Variants in FGF14 observed in about 807,000 individuals in gnomAD.
The protein encoded by FGF14 is fibroblast growth factor homologous factor 4.
Under a neutral mutation model 25.5 loss-of-function variants are expected in FGF14, and 5 were observed. The observed-to-expected ratio is 0.20, with a 90% CI of 0.10 to 0.41. The LOEUF (loss-of-function observed/expected upper bound fraction) is 0.41. FGF14 is among the 10% of genes least tolerant of loss of function. The probability of loss-of-function intolerance (pLI) is 1.00; values close to 1 mark genes in which losing one functional copy is unlikely to be tolerated. For synonymous variants in FGF14, 138 were observed against 118.3 expected, an observed-to-expected ratio of 1.17 and a Z score of -1.08; for missense variants, 222 against 320.1, an observed-to-expected ratio of 0.69 and a Z score of 2.34.
chr13:102,226,374 T>G (rs891031384), intron 1 of FGF14, among the ~76,000 whole-genome samples: 1 of 152,190 alleles, frequency 6.6e-6, no homozygotes, highest in Non-Finnish European at 1.5e-5. Context: ...CCATAAATAA[T>G]AGCTAGCTAT....
At chr13:102,013,994 G>T (rs1014450507) in intron 1 of FGF14, among the ~76,000 whole-genome samples, 8 of 152,058 alleles carry the variant, frequency 5.3e-5, no homozygotes, top group African/African-American at 1.9e-4. Flanking sequence ...TACTTTTAAT[G>T]TACTAATGAA....
intron 1 of FGF14, chr13:102,263,050 C>G (rs2052796054): frequency 1.5e-6 from 1 of 652,374 alleles, no homozygotes; most frequent in Admixed American, 1.9e-5. Flanking sequence ...CTCATAGACC[C>G]AGCTTGGTTC....
At chr13:102,142,232 C>G (rs1234819717) in intron 1 of FGF14, among the ~76,000 whole-genome samples, 3 of 152,148 alleles carry the variant, frequency 2.0e-5, no homozygotes, top group Non-Finnish European at 4.4e-5. Flanking sequence ...GTTCACAAAA[C>G]TGATCCCAAA....
intron 1 of FGF14, among the ~76,000 whole-genome samples, chr13:102,007,851 G>T (rs1318947041): frequency 1.3e-5 from 2 of 152,202 alleles, no homozygotes; most frequent in African/African-American, 4.8e-5. Flanking sequence ...AGTTTCTTCA[G>T]TACCAAGGCA....
At chr13:102,099,285 G>A (rs908995491) in intron 1 of FGF14, among the ~76,000 whole-genome samples, 1 of 152,314 alleles carries the variant, frequency 6.6e-6, no homozygotes, top group South Asian at 2.1e-4. Flanking sequence ...AGTGGAAAGA[G>A]GACAGAAATA....
intron 1 of FGF14, among the ~76,000 whole-genome samples, chr13:101,965,076 C>T (rs551742994): frequency 3.3e-5 from 5 of 152,048 alleles, no homozygotes; most frequent in South Asian, 4.1e-4. Context: ...ACCCCCTTGT[C>T]TACTAAAAAT....
chr13:102,070,590 T>C (rs954692230), intron 1 of FGF14, among the ~76,000 whole-genome samples: 1 of 152,220 alleles, frequency 6.6e-6, no homozygotes. Flanking sequence ...TCTATGATTA[T>C]TGCAGTACTG....
At chr13:102,284,321 C>T (rs1054346329) in intron 1 of FGF14, among the ~76,000 whole-genome samples, 5 of 152,200 alleles carry the variant, frequency 3.3e-5, no homozygotes, top group South Asian at 2.1e-4. Flanking sequence ...TCTATGAAGT[C>T]CTCAATAAAA....
At chr13:101,979,464 C>G (rs189494697) in intron 1 of FGF14, among the ~76,000 whole-genome samples, 3 of 152,190 alleles carry the variant, frequency 2.0e-5, no homozygotes, top group Non-Finnish European at 2.9e-5. Flanking sequence ...TGTTATTAGC[C>G]CTATTTTACA....
intron 3 of FGF14, among the ~76,000 whole-genome samples, chr13:101,782,138 C>A (rs1302641505): frequency 6.6e-6 from 1 of 152,030 alleles, no homozygotes; most frequent in Non-Finnish European, 1.5e-5. Context: ...TCGTTATGTC[C>A]TCAAAGTCAG....
At chr13:102,161,932 T>A (rs571492403) in intron 1 of FGF14, among the ~76,000 whole-genome samples, 1 of 152,264 alleles carries the variant, frequency 6.6e-6, no homozygotes, top group East Asian at 1.9e-4. Flanking sequence ...TTTCTTTTTT[T>A]TATCCTAAAG....
chr13:101,793,029 A>T (rs9518548), intron 3 of FGF14, among the ~76,000 whole-genome samples: 132,977 of 152,070 alleles, frequency 0.87, 59,538 homozygotes, highest in East Asian at 1. Flanking sequence ...ACATTTCAGA[A>T]TTACTCTCTT....
intron 1 of FGF14, among the ~76,000 whole-genome samples, chr13:102,221,363 TAGGTCTTTTAAGAA>T (rs1042932199): frequency 8.5e-5 from 13 of 152,154 alleles, no homozygotes; most frequent in African/African-American, 2.9e-4. Context: ...TTAGAAAATT[TAGGTCTTTTAAGAA>T]AACTGAGTGA....
intron 3 of FGF14, among the ~76,000 whole-genome samples, chr13:101,730,793 G>A (rs1400565377): frequency 1.3e-5 from 2 of 152,174 alleles, no homozygotes; most frequent in Non-Finnish European, 2.9e-5. Context: ...ACAGGAGTGA[G>A]GAAAGCTGGC....
At chr13:102,115,526 T>C (rs1321837482) in intron 1 of FGF14, among the ~76,000 whole-genome samples, 1 of 152,116 alleles carries the variant, frequency 6.6e-6, no homozygotes, top group East Asian at 1.9e-4. Flanking sequence ...AGGGCTTCTT[T>C]TAATAAGTGT....
Position 102,139,064 on chromosome 13 carries a change from T to C in FGF14, c.208+262407A>G, listed in dbSNP as rs150541243. ...CTTGCTACAAGTTCCATGTAAACAA[T>C]GTATTCCAACATCCCTGTGGTCTTT... On this transcript the variant is annotated intron_variant, in intron 1 of 4. Coordinates refer to the FGF14 transcript ENST00000376131. 4.7e-3 allele frequency among the ~76,000 whole-genome samples: 713 copies of C among 152,316 alleles called. 4 individuals carry two copies. Among genetic ancestry groups the C allele is most frequent in the African/African-American group, 0.017 (687 of 41,578 alleles).
At chr13:102,064,470 T>TTAAA (rs1217470435) in intron 1 of FGF14, among the ~76,000 whole-genome samples, 1 of 151,898 alleles carries the variant, frequency 6.6e-6, no homozygotes, top group East Asian at 1.9e-4. Flanking sequence ...AAGACAGTTT[T>TTAAA]TAAAAAGAAA....
chr13:101,784,240 A>G (rs1410166553), intron 3 of FGF14, among the ~76,000 whole-genome samples: 4 of 152,226 alleles, frequency 2.6e-5, no homozygotes, highest in Non-Finnish European at 5.9e-5. Flanking sequence ...AGAAGTAGCT[A>G]TCTACAATGT....
chr13:101,797,772 T>TGTGTGTGTGCGCGCGC (rs1555384577), intron 3 of FGF14, among the ~76,000 whole-genome samples: 2 of 145,556 alleles, frequency 1.4e-5, no homozygotes, highest in African/African-American at 5.0e-5. Context: ...TGTGTGTGTG[T>TGTGTGTGTGCGCGCGC]GTGTGTGTGT....
Sources: allele counts gnomAD v4.1 joint callset (sites outside exome capture counted in the v4.1 genomes callset), GRCh38; gene constraint gnomAD v4.1.1; transcripts MANE v1.5; gene names NCBI Gene and HGNC (gene_info 2026-07-23, HGNC 2026-07-21).